STRN: variants seen among roughly 807,000 people sequenced by gnomAD.
STRN encodes protein phosphatase 2 regulatory subunit B'''alpha.
STRN carries 53 observed loss-of-function variants against 96.3 expected under a neutral mutation model. The observed-to-expected ratio is 0.55, with a 90% CI of 0.44 to 0.69. STRN has a LOEUF of 0.69. Ranked by LOEUF, STRN falls within the 30% of genes least tolerant of loss-of-function variation. The probability of loss-of-function intolerance (pLI) is 0.00; values close to 1 mark genes in which losing one functional copy is unlikely to be tolerated. For missense variants in STRN, 987 were observed against 963.9 expected, an observed-to-expected ratio of 1.02 and a Z score of -0.32; for synonymous variants, 428 against 355.9, an observed-to-expected ratio of 1.20 and a Z score of -2.28.
chr2:36,866,368 C>A (rs890385956), intron 12 of STRN, among the ~76,000 whole-genome samples: 1 of 152,188 alleles, frequency 6.6e-6, no homozygotes, highest in Non-Finnish European at 1.5e-5. Flanking sequence ...CACCCAGCCA[C>A]TGACTTTTAT....
chr2:36,926,485 G>C lies in STRN; in HGVS notation c.235-1277C>G, dbSNP rs1670414524. Among the ~76,000 whole-genome samples, 4 of 152,134 alleles carry C rather than the reference G, an allele frequency of 2.6e-5. No individual in the cohort carries two copies. In the South Asian group the frequency reaches 8.3e-4, roughly 32 times the overall value. On this transcript the variant is annotated intron_variant, in intron 1 of 17. Transcript: ENST00000263918. ...AGTGAGCAAGAACTTTACATTTAAGGATGACCTTGCCACATCCCTAAGGAA... is the reference window on the plus strand; with the variant it reads ...AGTGAGCAAGAACTTTACATTTAAGCATGACCTTGCCACATCCCTAAGGAA...
chr2:36,875,499 C>G (rs1668879857), intron 10 of STRN, among the ~76,000 whole-genome samples: 1 of 80,770 alleles, frequency 1.2e-5, no homozygotes, highest in East Asian at 3.5e-4. Flanking sequence ...GAGTGAGACT[C>G]TGCCTCAAAA....
At chr2:36,923,534 C>T (rs1440859281) in intron 2 of STRN, among the ~76,000 whole-genome samples, 5 of 151,264 alleles carry the variant, frequency 3.3e-5, no homozygotes, top group Non-Finnish European at 7.4e-5. Context: ...TACAGCTTTT[C>T]ATCAACTTTC....
rs957514116 is a variant in STRN at position 36,921,040 on chromosome 2, A to C, written c.338+4065T>G. 2.6e-5 allele frequency among the ~76,000 whole-genome samples: 4 copies of C among 151,428 alleles called. No homozygotes were observed. The South Asian group carries it at 8.3e-4, about 32-fold the overall frequency. ...CAGTGAGCCGATATCACACCACTGC[A>C]CTCCAGCCTGGTGACAGAGCAAGGC... On this transcript the variant is annotated intron_variant, in intron 2 of 17. Transcript: ENST00000263918.
At chr2:36,939,878 G>C (rs944239302) in intron 1 of STRN, among the ~76,000 whole-genome samples, 2 of 152,152 alleles carry the variant, frequency 1.3e-5, no homozygotes, top group South Asian at 4.1e-4. Flanking sequence ...CCACGATACA[G>C]TATTTAGGAC....
In STRN at chr2:36,899,636, C is replaced by A; in HGVS notation, c.682G>T (p.Ala228Ser). Residue 228 changes from alanine to serine, a missense_variant, in exon 6 of 18, where the codon GCC becomes TCC. Ala to Ser is a moderately conservative substitution (Grantham distance 99, BLOSUM62 1). Coordinates refer to ENST00000263918, the MANE Select transcript of STRN (RefSeq NM_003162.4). ...AATTTGAAATTATCCAGCACGGAGG[C>A]AGAATCTGTTAACTCAGATTTTCTG... Reference protein sequence around the residue: ...MIAKSELTDSASVLDNFKFLE... With the variant: ...MIAKSELTDSSSVLDNFKFLE... The A allele has an allele frequency of 1.2e-6, 2 of 1,611,238 alleles. No homozygotes were observed. Among genetic ancestry groups the A allele is most frequent in the Non-Finnish European group, 1.7e-6 (2 of 1,178,784 alleles).
Position 36,838,759 on chromosome 2 carries a change from C to T in STRN, c.*10697G>A, listed in dbSNP as rs1667877824. On this transcript the variant is annotated 3_prime_UTR_variant, in exon 18 of 18. Coordinates refer to ENST00000263918, the MANE Select transcript of STRN (RefSeq NM_003162.4). ...GACGTAAAACCATCATGGTGACAAA[C>T]ATATACACAGGAATGTTTATTGTAA... 6.6e-6 allele frequency among the ~76,000 whole-genome samples: 1 copy of T among 152,086 alleles called. No individual in the cohort carries two copies. The highest frequency in any genetic ancestry group is 1.5e-5 in the Non-Finnish European group (1 of 68,006).
chr2:36,865,046 T>G (rs1341884847), intron 12 of STRN, among the ~76,000 whole-genome samples: 1 of 152,156 alleles, frequency 6.6e-6, no homozygotes, highest in Non-Finnish European at 1.5e-5. Flanking sequence ...ATAGTTTTAG[T>G]AGGAATGGCG....
intron 1 of STRN, among the ~76,000 whole-genome samples, chr2:36,956,198 A>T (rs1664883650): frequency 6.6e-6 from 1 of 152,224 alleles, no homozygotes; most frequent in South Asian, 2.1e-4. Flanking sequence ...ACTTATATAA[A>T]TAATAAATCT....
chr2:36,926,444 A>T (rs972888820), intron 1 of STRN, among the ~76,000 whole-genome samples: 2 of 152,202 alleles, frequency 1.3e-5, no homozygotes, highest in African/African-American at 4.8e-5. Flanking sequence ...TTATGTATCT[A>T]CAGTGCTTTC....
intron 14 of STRN, among the ~76,000 whole-genome samples, chr2:36,856,604 AACAGTG>A (rs2148131456): frequency 6.6e-6 from 1 of 152,344 alleles, no homozygotes; most frequent in South Asian, 2.1e-4. Flanking sequence ...AAGAAATCAC[AACAGTG>A]GGTACCTCTG....
rs1191996661 is a variant in STRN at position 36,848,747 on chromosome 2, T to C, written c.*709A>G. On this transcript the variant is annotated 3_prime_UTR_variant, in exon 18 of 18. Coordinates refer to ENST00000263918, the MANE Select transcript of STRN (RefSeq NM_003162.4). ...ATTCTTCACAATGGTGAGTGCTTGATAGCTAAACTTTAGAATGATACCAAA... is the reference window on the plus strand; with the variant it reads ...ATTCTTCACAATGGTGAGTGCTTGACAGCTAAACTTTAGAATGATACCAAA... 6.6e-6 allele frequency: 1 copy of C among 152,420 alleles called. No homozygotes were observed. Among genetic ancestry groups the C allele is most frequent in the Admixed American group, 6.5e-5 (1 of 15,280 alleles). 9.4% of individuals were successfully genotyped at this position (152,420 alleles called of 1,614,324 possible). A position where few individuals can be genotyped will look rare whatever the true frequency, so the allele number is the denominator to read the frequency against.
At chr2:36,965,085 G>T (rs1167583599) in intron 1 of STRN, among the ~76,000 whole-genome samples, 2 of 151,986 alleles carry the variant, frequency 1.3e-5, no homozygotes, top group Admixed American at 1.3e-4. Flanking sequence ...TCCAGCACAT[G>T]ATTCTATTTA....
chr2:36,855,725 T>C (rs1306425213), intron 14 of STRN, among the ~76,000 whole-genome samples: 3 of 152,250 alleles, frequency 2.0e-5, no homozygotes, highest in African/African-American at 7.2e-5. Flanking sequence ...CATCTCTTAT[T>C]AGGGATGTTA....
chr2:36,955,866 T>C (rs1026858590), intron 1 of STRN, among the ~76,000 whole-genome samples: 4 of 152,208 alleles, frequency 2.6e-5, no homozygotes, highest in African/African-American at 9.6e-5. Context: ...GAGACCCAAG[T>C]CTAAACACAA....
At chr2:36,867,900 A>G (rs1165827831) in intron 11 of STRN, 39 bp from the exon 12 acceptor site, 3 of 1,471,038 alleles carry the variant, frequency 2.0e-6, no homozygotes, top group East Asian at 2.3e-5. Flanking sequence ...TCTAAGTGTC[A>G]GTAAACAGTA....
chr2:36,865,742 A>G (rs1352948294), intron 12 of STRN, among the ~76,000 whole-genome samples: 1 of 151,910 alleles, frequency 6.6e-6, no homozygotes, highest in Non-Finnish European at 1.5e-5. Flanking sequence ...TTATATTTTT[A>G]GTAGAGATGG....
intron 1 of STRN, among the ~76,000 whole-genome samples, chr2:36,947,588 A>T (rs1038914617): frequency 6.8e-6 from 1 of 148,016 alleles, no homozygotes; most frequent in African/African-American, 2.5e-5. Flanking sequence ...TATATATATA[A>T]AATCACTGAA....
chr2:36,838,856 G>T lies in STRN; in HGVS notation c.*10600C>A, dbSNP rs1667880450. On this transcript the variant is annotated 3_prime_UTR_variant, in exon 18 of 18. Transcript: ENST00000263918. The stretch of plus-strand genomic sequence containing the variant: ...TCCTACATTGTTAAATGAGAAATGT[G>T]AGATGCAGAGAACGTACATGATCCC... Among the ~76,000 whole-genome samples the T allele has an allele frequency of 1.3e-5, 2 of 152,184 alleles. No individual in the cohort carries two copies. Among genetic ancestry groups the T allele is most frequent in the Admixed American group, 6.5e-5 (1 of 15,284 alleles).
Sources: allele counts gnomAD v4.1 joint callset (sites outside exome capture counted in the v4.1 genomes callset), GRCh38; gene constraint gnomAD v4.1.1; transcripts MANE v1.5; gene names NCBI Gene and HGNC (gene_info 2026-07-23, HGNC 2026-07-21).